The following TEX29 variants were observed in gnomAD, a reference collection of about 807,000 sequenced individuals.
The protein encoded by TEX29 is testis-expressed protein 29.
In TEX29, 26 loss-of-function variants were observed where a neutral mutation model predicts 18.2. That is an observed-to-expected ratio of 1.43 (90% CI 1.04 to 1.98). The LOEUF is 1.98. Ranked by LOEUF, TEX29 falls within the 30% of genes most tolerant of loss-of-function variation. The probability of loss-of-function intolerance (pLI) is 0.00; values close to 1 mark genes in which losing one functional copy is unlikely to be tolerated. For synonymous variants in TEX29, 83 were observed against 78.5 expected, an observed-to-expected ratio of 1.06 and a Z score of -0.31; for missense variants, 177 against 194.2, an observed-to-expected ratio of 0.91 and a Z score of 0.53.
At chr13:111,323,733 G>A (rs555630491) in intron 2 of TEX29, among the ~76,000 whole-genome samples, 13 of 150,494 alleles carry the variant, frequency 8.6e-5, no homozygotes, top group Admixed American at 5.3e-4. Context: ...ACAGGGATCC[G>A]TGGCCCTGCA....
At chr13:111,332,848 G>A (rs962400417) in intron 3 of TEX29, among the ~76,000 whole-genome samples, 2 of 152,044 alleles carry the variant, frequency 1.3e-5, no homozygotes, top group Non-Finnish European at 2.9e-5. Context: ...ATTACTTCAT[G>A]TGGATTTGAC....
intron 5 of TEX29, 78 bp downstream of exon 5, chr13:111,343,009 GGGGCTCAAC>G: frequency 1.3e-6 from 2 of 1,529,600 alleles, no homozygotes; most frequent in South Asian, 1.2e-5. Context: ...TCCCTGGGAA[GGGGCTCAAC>G]ATCTACACAG....
chr13:111,336,892 C>G (rs1239583746), intron 3 of TEX29, among the ~76,000 whole-genome samples: 2 of 152,156 alleles, frequency 1.3e-5, no homozygotes, highest in African/African-American at 4.8e-5. Context: ...AACGTGAGCA[C>G]GTAGGAAGAT....
upstream of TEX29, among the ~76,000 whole-genome samples, chr13:111,316,758 A>T (rs1034679282): frequency 6.6e-6 from 1 of 152,184 alleles, no homozygotes; most frequent in African/African-American, 2.4e-5. Context: ...TTCTTACTGT[A>T]TGAGTCTGTT....
chr13:111,330,390 A>G (rs528417531), intron 3 of TEX29, among the ~76,000 whole-genome samples: 8 of 152,276 alleles, frequency 5.3e-5, no homozygotes, highest in African/African-American at 1.9e-4. Context: ...AGAGGTCACA[A>G]TGGATACCAC....
upstream of TEX29, among the ~76,000 whole-genome samples, chr13:111,318,917 G>A (rs2093659101): frequency 6.6e-6 from 1 of 152,218 alleles, no homozygotes; most frequent in Non-Finnish European, 1.5e-5. Flanking sequence ...CACTTCTGGG[G>A]GCTGGAAGTT....
At position 111,342,916 on chromosome 13, in the gene TEX29, G is replaced by T. The variant is rs751340760; in HGVS notation, c.400G>T (p.Glu134Ter). The change falls in exon 5 of 6, where the codon GAG (glutamate) becomes TAG (stop). Residue 134 changes from glutamate (E) to a stop codon, truncating the protein, a stop_gained. Transcript: ENST00000283547. LOFTEE classifies it low-confidence loss of function (END_TRUNC). ...PSAGPSMKSD[E>*]DKDDVTGTIT... ...TGCTGGGCCCTCGATGAAGAGTGAC[G>T]AGGATAAGGATGATGGTGAGAAGCT... is the stretch of plus-strand genomic sequence containing the variant. The T allele has an allele frequency of 1.2e-6, 2 of 1,614,114 alleles. No homozygotes were observed. Among genetic ancestry groups the T allele is most frequent in the South Asian group, 1.1e-5 (1 of 91,064 alleles).
upstream of TEX29, among the ~76,000 whole-genome samples, chr13:111,316,695 A>T (rs1005685533): frequency 6.6e-6 from 1 of 152,192 alleles, no homozygotes; most frequent in Non-Finnish European, 1.5e-5. Flanking sequence ...CAAATACCGG[A>T]TGCACATTGT....
upstream of TEX29, among the ~76,000 whole-genome samples, chr13:111,317,808 G>A (rs933978126): frequency 2.0e-5 from 3 of 152,142 alleles, no homozygotes; most frequent in African/African-American, 4.8e-5. Context: ...TCCGTGTTCC[G>A]GGGCTCGCAG....
At chr13:111,343,517 C>T (rs1048760122) in intron 5 of TEX29, among the ~76,000 whole-genome samples, 5 of 152,186 alleles carry the variant, frequency 3.3e-5, no homozygotes, top group East Asian at 3.9e-4. Flanking sequence ...ATGCCTGCTT[C>T]GGTTTCCAGG....
upstream of TEX29, chr13:111,316,342 C>T: frequency 2.2e-6 from 1 of 450,860 alleles, no homozygotes. Context: ...ACGCCTCCCG[C>T]CACCCACACC....
chr13:111,317,079 G>T (rs994123072), upstream of TEX29, among the ~76,000 whole-genome samples: 1 of 152,164 alleles, frequency 6.6e-6, no homozygotes. Flanking sequence ...TGAGATTTGG[G>T]TGGGGACACA....
At chr13:111,317,693 C>G (rs899768451), upstream of TEX29, among the ~76,000 whole-genome samples, 3 of 152,226 alleles carry the variant, frequency 2.0e-5, no homozygotes, top group East Asian at 5.8e-4. Context: ...AACAGCAGAG[C>G]TTTCTTCTCG....
rs1240196903 is a variant in TEX29, at chr13:111,342,925, G to A, written c.409G>A (p.Asp137Asn). ...CTCGATGAAGAGTGACGAGGATAAG[G>A]ATGATGGTGAGAAGCTTCTGGAATG... The part of the protein sequence containing the change: ...GPSMKSDEDK[D>N]DVTGTITEAE... Residue 137 changes from aspartate to asparagine, a missense_variant, in exon 5 of 6, where the codon GAT (aspartate) becomes AAT (asparagine). Physicochemically the swap from Asp to Asn is conservative, Grantham distance 23. Coordinates refer to ENST00000283547, the MANE Select transcript of TEX29 (RefSeq NM_152324.3). 10 of 1,613,774 alleles carry A rather than the reference G, an allele frequency of 6.2e-6. No individual in the cohort carries two copies. Among genetic ancestry groups the A allele is most frequent in the Non-Finnish European group, 8.5e-6 (10 of 1,179,824 alleles).
chr13:111,334,557 G>A (rs2093687016), intron 3 of TEX29, among the ~76,000 whole-genome samples: 2 of 152,204 alleles, frequency 1.3e-5, no homozygotes, highest in Admixed American at 1.3e-4. Flanking sequence ...CCACAGCACT[G>A]GACATGTCCA....
chr13:111,321,158 C>T (rs1184483197), intron 2 of TEX29, among the ~76,000 whole-genome samples: 1 of 152,124 alleles, frequency 6.6e-6, no homozygotes, highest in Non-Finnish European at 1.5e-5. Context: ...CAAAATACAC[C>T]CGAACCTGAG....
intron 3 of TEX29, among the ~76,000 whole-genome samples, chr13:111,334,109 T>C (rs1055323766): frequency 6.6e-6 from 1 of 152,246 alleles, no homozygotes; most frequent in East Asian, 1.9e-4. Context: ...ATGGCATTTT[T>C]TATGTATATG....
At chr13:111,328,380 G>A (rs940019524) in intron 3 of TEX29, 87 bp downstream of exon 3, 5 of 901,844 alleles carry the variant, frequency 5.5e-6, no homozygotes, top group African/African-American at 3.3e-5. Context: ...TCCCTTCCTC[G>A]GGGTCTCTGT....
intron 1 of TEX29, 34 bp downstream of exon 1, chr13:111,320,796 C>A: frequency 1.3e-6 from 2 of 1,520,544 alleles, no homozygotes; most frequent in Non-Finnish European, 1.8e-6. Context: ...TGGTGTGAGC[C>A]GCCCGCTCCC....
Sources: allele counts gnomAD v4.1 joint callset (sites outside exome capture counted in the v4.1 genomes callset), GRCh38; gene constraint gnomAD v4.1.1; transcripts MANE v1.5; gene names NCBI Gene and HGNC (gene_info 2026-07-23, HGNC 2026-07-21).